The following TARS1 variants were observed in gnomAD, a reference collection of about 807,000 sequenced individuals.
TARS1 encodes threonyl-tRNA synthetase 1, also known as threonine--tRNA ligase 1, cytoplasmic.
TARS1 carries 57 observed loss-of-function variants against 97.7 expected under a neutral mutation model. The ratio of observed to expected loss-of-function variants is 0.58; its 90% CI spans 0.47 to 0.73. The LOEUF (loss-of-function observed/expected upper bound fraction) is 0.73. Among genes scored for constraint, TARS1 ranks in the 30% least tolerant of loss-of-function variants. TARS1 has a pLI of 0.00. For missense variants in TARS1, 806 were observed against 888.3 expected, an observed-to-expected ratio of 0.91 and a Z score of 1.18; for synonymous variants, 312 against 293.7, an observed-to-expected ratio of 1.06 and a Z score of -0.64.
intron 2 of TARS1, among the ~76,000 whole-genome samples, chr5:33,448,226 A>G (rs1193738293): frequency 6.6e-6 from 1 of 152,224 alleles, no homozygotes; most frequent in African/African-American, 2.4e-5. Context: ...AGTATTGTTT[A>G]TAGCTCTATT....
At chr5:33,455,741 TATC>T (rs1460459909) in intron 6 of TARS1, 37 bp downstream of exon 6, 3 of 1,387,566 alleles carry the variant, frequency 2.2e-6, no homozygotes, top group Non-Finnish European at 2.0e-6. Context: ...CCACTGTTAA[TATC>T]ATTTATTCAT....
intron 1 of TARS1, among the ~76,000 whole-genome samples, chr5:33,443,364 T>TCTCTCTCTCTC (rs1579572680): frequency 7.2e-6 from 1 of 138,500 alleles, no homozygotes; most frequent in African/African-American, 2.7e-5. Context: ...TCTCTCTCAC[T>TCTCTCTCTCTC]ACCCCTGTTC....
chr5:33,444,204 G>A (rs1741297059), intron 1 of TARS1, among the ~76,000 whole-genome samples: 1 of 152,154 alleles, frequency 6.6e-6, no homozygotes. Flanking sequence ...CCCAGAATAG[G>A]CAAATCTATA....
At chr5:33,449,453 T>C (rs1441976218) in intron 3 of TARS1, among the ~76,000 whole-genome samples, 2 of 119,554 alleles carry the variant, frequency 1.7e-5, no homozygotes, top group Non-Finnish European at 3.4e-5. Context: ...TTCTTTTTTT[T>C]TTTTTTTTTT....
chr5:33,463,974 A>G, intron 17 of TARS1, 149 bp downstream of exon 17: 1 of 666,570 alleles, frequency 1.5e-6, no homozygotes, highest in Non-Finnish European at 2.5e-6. Flanking sequence ...AATAGATTAT[A>G]TTACTTCTTT....
intron 11 of TARS1, 99 bp from the exon 12 acceptor site, chr5:33,460,801 TAG>T (rs1477206130): frequency 1.4e-6 from 2 of 1,409,496 alleles, no homozygotes; most frequent in African/African-American, 2.9e-5. Context: ...GATGGACAGC[TAG>T]AATCAGTGGC....
chr5:33,442,566 C>T (rs1741163535), intron 1 of TARS1, among the ~76,000 whole-genome samples: 1 of 151,978 alleles, frequency 6.6e-6, no homozygotes, highest in Admixed American at 6.6e-5. Flanking sequence ...GACGGAGTCT[C>T]GCTCTGTCAC....
At chr5:33,465,759 C>A (rs1742501647) in intron 17 of TARS1, among the ~76,000 whole-genome samples, 1 of 152,154 alleles carries the variant, frequency 6.6e-6, no homozygotes, top group South Asian at 2.1e-4. Flanking sequence ...ATTTGACATA[C>A]ATAAATAACC....
At chr5:33,447,161 A>G (rs1741460438) in intron 2 of TARS1, among the ~76,000 whole-genome samples, 1 of 152,122 alleles carries the variant, frequency 6.6e-6, no homozygotes, top group Admixed American at 6.5e-5. Flanking sequence ...TAAAGAATGG[A>G]AAGAAGGAGG....
At chr5:33,456,521 G>A (rs1561074436) in intron 8 of TARS1, among the ~76,000 whole-genome samples, 1 of 152,174 alleles carries the variant, frequency 6.6e-6, no homozygotes, top group Non-Finnish European at 1.5e-5. Flanking sequence ...GGGAGTATGT[G>A]CTTTTGCCCT....
intron 17 of TARS1, among the ~76,000 whole-genome samples, chr5:33,464,691 G>A (rs192269076): frequency 5.1e-4 from 78 of 152,250 alleles, no homozygotes; most frequent in African/African-American, 1.7e-3. Context: ...TGAGGCAGGA[G>A]GATCTTTGAG....
intron 1 of TARS1, among the ~76,000 whole-genome samples, chr5:33,443,680 A>G (rs1741264698): frequency 1.3e-5 from 2 of 151,918 alleles, no homozygotes; most frequent in East Asian, 1.9e-4. Flanking sequence ...ATTTTTTAGT[A>G]GAGACGGGGT....
intron 1 of TARS1, 184 bp downstream of exon 1, chr5:33,441,327 T>C (rs1331374201): frequency 1.6e-6 from 1 of 639,874 alleles, no homozygotes; most frequent in Non-Finnish European, 2.7e-6. Flanking sequence ...ATTCATAAAT[T>C]AGGGTGGGGC....
chr5:33,453,008 T>C (rs1741821621), intron 3 of TARS1, among the ~76,000 whole-genome samples: 1 of 152,058 alleles, frequency 6.6e-6, no homozygotes, highest in Non-Finnish European at 1.5e-5. Flanking sequence ...ATTCAAACCA[T>C]TGGAAATTGA....
intron 2 of TARS1, chr5:33,446,758 G>A: frequency 7.8e-7 from 1 of 1,288,086 alleles, no homozygotes; most frequent in Non-Finnish European, 1.0e-6. Flanking sequence ...TACAGAGGGT[G>A]GTGCAGGTGG....
Position 33,457,411 on chromosome 5 carries a change from C to CA in TARS1, c.984+10dup. 6.2e-7 allele frequency: 1 copy of CA among 1,613,622 alleles called. No homozygotes were observed. The highest frequency in any genetic ancestry group is 8.5e-7 in the Non-Finnish European group (1 of 1,179,758). On this transcript the variant is annotated intron_variant, in intron 9 of 18. Coordinates refer to ENST00000265112, the MANE Select transcript of TARS1 (RefSeq NM_152295.5). ...CATAGGAAAATTGGCAGGGTATGTT[C>CA]AAGAACAATGATGTGTCTTGACTGA...
At chr5:33,465,468 C>A (rs1403517825) in intron 17 of TARS1, among the ~76,000 whole-genome samples, 1 of 152,206 alleles carries the variant, frequency 6.6e-6, no homozygotes, top group Non-Finnish European at 1.5e-5. Context: ...TCCCCAACTG[C>A]AGAATTGCCC....
chr5:33,465,099 TA>T (rs561748109), intron 17 of TARS1, among the ~76,000 whole-genome samples: 191 of 151,728 alleles, frequency 1.3e-3, no homozygotes, highest in African/African-American at 4.5e-3. Flanking sequence ...AATAAATAAA[TA>T]AAAAAAATGA....
intron 8 of TARS1, 48 bp downstream of exon 8, chr5:33,456,275 A>T: frequency 7.1e-7 from 1 of 1,401,266 alleles, no homozygotes; most frequent in Non-Finnish European, 9.9e-7. Context: ...TCTAGAATAG[A>T]TATATGTTTA....
Sources: allele counts gnomAD v4.1 joint callset (sites outside exome capture counted in the v4.1 genomes callset), GRCh38; gene constraint gnomAD v4.1.1; transcripts MANE v1.5; gene names NCBI Gene and HGNC (gene_info 2026-07-23, HGNC 2026-07-21).